The following GPR83 variants were observed in gnomAD, a reference collection of about 807,000 sequenced individuals.
The protein encoded by GPR83 is G protein-coupled receptor 83, also known as G-protein coupled receptor 72.
In GPR83, 23 loss-of-function variants were observed where a neutral mutation model predicts 28.0. That is an observed-to-expected ratio of 0.82 (90% CI 0.59 to 1.16). GPR83 has a LOEUF of 1.16. Among genes scored for constraint, GPR83 ranks in the 50% most tolerant of loss-of-function variants. The pLI is 0.00. For synonymous variants in GPR83, 234 were observed against 215.4 expected (o/e 1.09, Z -0.76); for missense variants, 610 against 536.6 (o/e 1.14, Z -1.35).
rs1253888477 is a variant in GPR83, at chr11:94,382,254, A to G, written c.648-1481T>C. The stretch of plus-strand genomic sequence containing the variant: ...ATAATCCCAGCTACTCGGGAGGCTG[A>G]GGCAGGAGAACCCAGGAGGCAGAGG... On this transcript the variant is annotated intron_variant, in intron 3 of 3. Transcript: ENST00000243673. Among the ~76,000 whole-genome samples the G allele has an allele frequency of 8.1e-5, 12 of 147,998 alleles. No individual in the cohort carries two copies. In the Admixed American group the frequency reaches 8.2e-4, roughly 10 times the overall value.
intron 1 of GPR83, among the ~76,000 whole-genome samples, chr11:94,397,319 G>C (rs16920281): frequency 0.033 from 5,075 of 152,266 alleles, 313 homozygotes; most frequent in African/African-American, 0.12. Flanking sequence ...CCATGCCTGA[G>C]AGAGATTGAG....
chr11:94,400,778 G>A, intron 1 of GPR83, 83 bp downstream of exon 1: 3 of 1,310,776 alleles, frequency 2.3e-6, no homozygotes, highest in Non-Finnish European at 3.2e-6. Flanking sequence ...GGGAGACGCA[G>A]AACGGCAGAG....
chr11:94,381,141 C>T (rs532866242), intron 3 of GPR83, among the ~76,000 whole-genome samples: 1 of 152,232 alleles, frequency 6.6e-6, no homozygotes, highest in Admixed American at 6.5e-5. Flanking sequence ...CTGCTACTTC[C>T]CCATTTTAAA....
chr11:94,391,642 C>A (rs193007200), intron 3 of GPR83, among the ~76,000 whole-genome samples: 40 of 152,220 alleles, frequency 2.6e-4, no homozygotes, highest in Admixed American at 2.6e-3. Flanking sequence ...AACAAACAAC[C>A]CCATCAACAA....
Position 94,377,322 on chromosome 11 carries a change from A to C in GPR83, c.*2827T>G, listed in dbSNP as rs557176583. ...GCAAATCCAAGAGGCACAGTCCACAAACCTGAAGTAAATTTTATTGAGATG... is the reference window on the plus strand; with the variant it reads ...GCAAATCCAAGAGGCACAGTCCACACACCTGAAGTAAATTTTATTGAGATG... On this transcript the variant is annotated 3_prime_UTR_variant, in exon 4 of 4. Transcript: ENST00000243673. The C allele has an allele frequency of 6.6e-6, 1 of 152,340 alleles. No homozygotes were observed. The highest frequency in any genetic ancestry group is 2.4e-5 in the African/African-American group (1 of 41,586). The allele number at this position is 152,340 out of a possible 1,614,324, so 9.4% of individuals were successfully genotyped here.
chr11:94,389,975 G>A (rs1352817385), intron 3 of GPR83, among the ~76,000 whole-genome samples: 2 of 152,178 alleles, frequency 1.3e-5, no homozygotes, highest in Admixed American at 6.5e-5. Flanking sequence ...ATACACCATG[G>A]AATACTATGC....
chr11:94,377,974 C>T lies in GPR83; in HGVS notation c.*2175G>A, dbSNP rs140206254. On this transcript the variant is annotated 3_prime_UTR_variant, in exon 4 of 4. Coordinates refer to ENST00000243673, the MANE Select transcript of GPR83 (RefSeq NM_016540.4). ...GACAAACCTTCTGTATGCCTGCTGC[C>T]TTGTCTCATTCTGGTTCACAGAATT... The T allele has an allele frequency of 7.2e-5, 11 of 152,268 alleles. No individual in the cohort carries two copies. In the East Asian group the frequency reaches 1.9e-3, roughly 27 times the overall value. The allele number at this position is 152,268 out of a possible 1,614,324, so 9.4% of individuals were successfully genotyped here. A position where few individuals can be genotyped will look rare whatever the true frequency, so the allele number is the denominator to read the frequency against.
chr11:94,392,490 A>T (rs1032458250), intron 3 of GPR83, among the ~76,000 whole-genome samples: 1 of 152,094 alleles, frequency 6.6e-6, no homozygotes, highest in African/African-American at 2.4e-5. Flanking sequence ...TTAAAAAGAC[A>T]TACCAGTGAC....
At chr11:94,397,437 G>A (rs560327280) in intron 1 of GPR83, among the ~76,000 whole-genome samples, 1 of 152,284 alleles carries the variant, frequency 6.6e-6, no homozygotes, top group East Asian at 1.9e-4. Flanking sequence ...GGGCAATGGG[G>A]CCACCACATA....
At chr11:94,387,405 G>T (rs1158698692) in intron 3 of GPR83, among the ~76,000 whole-genome samples, 1 of 152,054 alleles carries the variant, frequency 6.6e-6, no homozygotes. Context: ...TTTTTGAAAA[G>T]ATCAACAAAA....
chr11:94,387,561 T>C (rs907363524), intron 3 of GPR83, among the ~76,000 whole-genome samples: 4 of 151,978 alleles, frequency 2.6e-5, no homozygotes, highest in African/African-American at 9.7e-5. Flanking sequence ...TCTATGCAAA[T>C]AAACTAGAAA....
chr11:94,380,147 T>C lies in GPR83; in HGVS notation c.*2A>G, dbSNP rs2134679405. ...CCTCCCACTCCCTCTTCCCAACCTC[T>C]TCTAACTCATCGTCACAATGGGTTC... On this transcript the variant is annotated 3_prime_UTR_variant, in exon 4 of 4. Transcript: ENST00000243673. The C allele has an allele frequency of 2.0e-6, 3 of 1,512,102 alleles. No homozygotes were observed. The highest frequency in any genetic ancestry group is 2.7e-6 in the Non-Finnish European group (3 of 1,131,076). The allele number at this position is 1,512,102 out of a possible 1,614,324, so 93.7% of individuals were successfully genotyped here.
chr11:94,381,397 C>G (rs951693020), intron 3 of GPR83, among the ~76,000 whole-genome samples: 2 of 151,972 alleles, frequency 1.3e-5, no homozygotes, highest in Non-Finnish European at 2.9e-5. Context: ...AAAAAAAGTC[C>G]TCCGTGTGGA....
In GPR83 at chr11:94,385,394, TTCTCCAAGCTAAAG is replaced by T. The variant is rs537813135; in HGVS notation, c.648-4635_648-4622del. Among the ~76,000 whole-genome samples, 519 of 152,256 alleles carry T rather than the reference TTCTCCAAGCTAAAG, an allele frequency of 3.4e-3. 4 individuals carry two copies. Among genetic ancestry groups the T allele is most frequent in the African/African-American group, 0.011 (441 of 41,558 alleles). The stretch of plus-strand genomic sequence containing the variant: ...AGAAGAAGGCTTCAGACGATCAAAC[TTCTCCAAGCTAAAG>T]GAGGAAGTTCGAACCCACGGCAAAG... On this transcript the variant is annotated intron_variant, in intron 3 of 3. Transcript: ENST00000243673.
intron 1 of GPR83, among the ~76,000 whole-genome samples, chr11:94,400,110 T>C (rs1459407879): frequency 1.3e-5 from 2 of 152,216 alleles, no homozygotes; most frequent in East Asian, 1.9e-4. Context: ...AATTAGCAAT[T>C]GTTTGATATT....
Position 94,377,566 on chromosome 11 carries a change from G to A in GPR83, c.*2583C>T, listed in dbSNP as rs1944634455. ...CCGGACTAACAATGATTCAACTTAGGATTTTTAAAAATTTTATGATGATGG... is the reference window on the plus strand; with the variant it reads ...CCGGACTAACAATGATTCAACTTAGAATTTTTAAAAATTTTATGATGATGG... On this transcript the variant is annotated 3_prime_UTR_variant, in exon 4 of 4. Coordinates refer to ENST00000243673, the MANE Select transcript of GPR83 (RefSeq NM_016540.4). The A allele has an allele frequency of 6.6e-6, 1 of 152,094 alleles. No individual in the cohort carries two copies. Among genetic ancestry groups the A allele is most frequent in the Admixed American group, 6.5e-5 (1 of 15,270 alleles). The allele number at this position is 152,094 out of a possible 1,614,324, so 9.4% of individuals were successfully genotyped here.
At chr11:94,384,777 G>A (rs1400374117) in intron 3 of GPR83, among the ~76,000 whole-genome samples, 1 of 152,200 alleles carries the variant, frequency 6.6e-6, no homozygotes, top group Non-Finnish European at 1.5e-5. Context: ...CTGGGGACAG[G>A]GAATAGCCAA....
intron 3 of GPR83, among the ~76,000 whole-genome samples, chr11:94,388,748 C>T (rs1944784305): frequency 6.6e-6 from 1 of 152,116 alleles, no homozygotes; most frequent in Non-Finnish European, 1.5e-5. Context: ...GCCATACTGC[C>T]CAAGGTAATT....
At position 94,380,788 on chromosome 11, in the gene GPR83, T is replaced by C; in HGVS notation, c.648-15A>G. 4 of 1,582,642 alleles carry C rather than the reference T, an allele frequency of 2.5e-6. No individual in the cohort carries two copies. Among genetic ancestry groups the C allele is most frequent in the Non-Finnish European group, 3.4e-6 (4 of 1,163,626 alleles). The stretch of plus-strand genomic sequence containing the variant: ...CAATGTCCTCACTGGGGGCAGGAAG[T>C]GGGGAGGGGGAGAGAGGTAACAGAA... On this transcript the variant is annotated splice_polypyrimidine_tract_variant and intron_variant, in intron 3 of 3. Transcript: ENST00000243673.
Sources: gnomAD v4.1 joint callset for allele counts (sites outside exome capture counted in the v4.1 genomes callset) on GRCh38, gnomAD v4.1.1 for gene constraint, MANE v1.5 for transcripts, NCBI Gene and HGNC (gene_info 2026-07-23, HGNC 2026-07-21) for gene names.